KANK2: variants seen among roughly 807,000 people sequenced by gnomAD.
KANK2 encodes KN motif and ankyrin repeat domain-containing protein 2.
A neutral mutation model predicts 74.6 loss-of-function variants in KANK2; 41 were observed. The ratio of observed to expected loss-of-function variants is 0.55; its 90% CI spans 0.43 to 0.71. KANK2 has a LOEUF of 0.71. Among genes scored for constraint, KANK2 ranks in the 30% least tolerant of loss-of-function variants. The pLI is 0.00. For missense variants in KANK2, 1,148 were observed against 1,196.4 expected, an observed-to-expected ratio of 0.96 and a Z score of 0.60; for synonymous variants, 537 against 519.0, an observed-to-expected ratio of 1.03 and a Z score of -0.47.
chr19:11,194,635 G>C, intron 2 of KANK2, 45 bp from the exon 3 acceptor site: 4 of 753,862 alleles, frequency 5.3e-6, no homozygotes, highest in Non-Finnish European at 9.3e-6. Context: ...AGTCTGTAGG[G>C]GGAGGGGAGG....
intron 9 of KANK2, 38 bp downstream of exon 9, chr19:11,174,435 C>G: frequency 6.6e-7 from 1 of 1,519,998 alleles, no homozygotes; most frequent in South Asian, 1.2e-5. Context: ...GGACAGCTGG[C>G]TGGTTTAGAG....
At chr19:11,186,422 C>T (rs1275347448) in intron 4 of KANK2, among the ~76,000 whole-genome samples, 2 of 148,714 alleles carry the variant, frequency 1.3e-5, no homozygotes, top group East Asian at 2.0e-4. Context: ...AGAGGCCAGG[C>T]GCGGTGGCTC....
chr19:11,183,330 G>A (rs1422635475), intron 4 of KANK2, among the ~76,000 whole-genome samples: 1 of 152,338 alleles, frequency 6.6e-6, no homozygotes, highest in African/African-American at 2.4e-5. Flanking sequence ...GGTTTTAGGA[G>A]AAGCAGCTTA....
At chr19:11,183,127 G>T (rs1240435518) in intron 4 of KANK2, among the ~76,000 whole-genome samples, 2 of 152,168 alleles carry the variant, frequency 1.3e-5, no homozygotes, top group Non-Finnish European at 2.9e-5. Context: ...TACAAAACAA[G>T]AGCACAGATG....
Position 11,178,576 on chromosome 19 carries a change from T to A in KANK2, c.1394A>T (p.Glu465Val). ...REPTRQAASQESEEAGGTGGP... is the reference protein window; with the variant it reads ...REPTRQAASQVSEEAGGTGGP... ...ACCGGTGCCCCCGGCCTCCTCGGAC[T>A]CTTGGGAGGCTGCTTGCCTGGTGGG... The change falls in exon 5 of 13, where the codon GAG becomes GTG. Residue 465 changes from glutamate (E) to valine (V), a missense_variant. Coordinates refer to ENST00000586659, the MANE Select transcript of KANK2 (RefSeq NM_001136191.3). 2 of 1,604,408 alleles carry A rather than the reference T, an allele frequency of 1.2e-6. No individual in the cohort carries two copies. The highest frequency in any genetic ancestry group is 2.7e-5 in the African/African-American group (2 of 74,246).
Position 11,195,739 on chromosome 19 carries a change from G to A in KANK2, c.-197C>T, listed in dbSNP as rs1399918892. 6.6e-6 allele frequency: 1 copy of A among 151,944 alleles called. No individual in the cohort carries two copies. The highest frequency in any genetic ancestry group is 1.5e-5 in the Non-Finnish European group (1 of 68,130). 9.4% of individuals were successfully genotyped at this position (151,944 alleles called of 1,614,324 possible). A position where few individuals can be genotyped will look rare whatever the true frequency, so the allele number is the denominator to read the frequency against. ...TCTGTCTCTCTGCGTCTCTCTCCAC[G>A]TCTCTGTCCTTCTGCGTCTCTCTCC... On this transcript the variant is annotated 5_prime_UTR_variant, in exon 2 of 13. The change creates a new upstream start codon in the 5' untranslated region. Coordinates refer to ENST00000586659, the MANE Select transcript of KANK2 (RefSeq NM_001136191.3).
chr19:11,167,531 T>A (rs1214232590), intron 12 of KANK2, among the ~76,000 whole-genome samples: 3 of 137,912 alleles, frequency 2.2e-5, no homozygotes, highest in African/African-American at 5.7e-5. Flanking sequence ...GCCCAGCTAA[T>A]TTTTTTTTTT....
In KANK2 at chr19:11,193,624, C is replaced by T. The variant is rs377258534; in HGVS notation, c.456G>A (p.Ala152=). Residue 152 remains alanine, a synonymous_variant, in exon 4 of 13, where the codon GCG becomes GCA. Coordinates refer to ENST00000586659, the MANE Select transcript of KANK2 (RefSeq NM_001136191.3). The surrounding 1 kb of genome is among the most constrained non-coding windows in gnomAD (Gnocchi z 9.6). ...CCACCAGGGAGGCTGTCGAGCCGGC[C>T]GCACTGGGGGTCAGGGAGCCCAGGC... ...PTGLGSLTPS[A]AGSTASLVGV... The T allele has an allele frequency of 5.0e-5, 79 of 1,589,116 alleles. No homozygotes were observed. The highest frequency in any genetic ancestry group is 3.4e-4 in the South Asian group (30 of 88,868).
intron 4 of KANK2, among the ~76,000 whole-genome samples, chr19:11,188,444 A>T (rs2078739982): frequency 6.6e-6 from 1 of 150,922 alleles, no homozygotes. Context: ...ACCTCAGGTG[A>T]TCTGCCCACT....
rs958263566 is a variant in KANK2, at chr19:11,197,470, C to G, written c.-279+15G>C. 3.9e-5 allele frequency: 6 copies of G among 152,002 alleles called. No homozygotes were observed. Among genetic ancestry groups the G allele is most frequent in the African/African-American group, 1.4e-4 (6 of 41,398 alleles). 9.4% of individuals were successfully genotyped at this position (152,002 alleles called of 1,614,324 possible). A position where few individuals can be genotyped will look rare whatever the true frequency, so the allele number is the denominator to read the frequency against. On this transcript the variant is annotated intron_variant, in intron 1 of 12. Coordinates refer to ENST00000586659, the MANE Select transcript of KANK2 (RefSeq NM_001136191.3). ...ACCAGACTTGAACCCCTACCCAGCCCCGGGTCCCACTCGCCTTGCGCGCTC... is the reference window on the plus strand; with the variant it reads ...ACCAGACTTGAACCCCTACCCAGCCGCGGGTCCCACTCGCCTTGCGCGCTC...
chr19:11,186,553 CA>C (rs1186559078), intron 4 of KANK2, among the ~76,000 whole-genome samples: 1 of 151,660 alleles, frequency 6.6e-6, no homozygotes, highest in Admixed American at 6.6e-5. Context: ...CAAAATTAGT[CA>C]GGCGTGGTGG....
intron 8 of KANK2, among the ~76,000 whole-genome samples, chr19:11,175,427 CAAAAAAAAAAAAAAAAA>C (rs753933217): frequency 2.7e-4 from 4 of 14,968 alleles, no homozygotes; most frequent in Non-Finnish European, 5.7e-4. Context: ...GACTCCCTCT[CAAAAAAAAAAAAAAAAA>C]AAAAAAAAAA....
At position 11,192,788 on chromosome 19, in the gene KANK2, C is replaced by A. The variant is rs761658181; in HGVS notation, c.1249+43G>T. On this transcript the variant is annotated intron_variant, in intron 4 of 12. Transcript: ENST00000586659. ...TGAGCCATGGGAAGAAAGAGGCCCC[C>A]CCCCCCCAAGCCATTCTCCCCTGCC... 68 of 1,574,864 alleles carry A rather than the reference C, an allele frequency of 4.3e-5. No individual in the cohort carries two copies. The South Asian group carries it at 6.5e-4, about 15-fold the overall frequency.
intron 4 of KANK2, among the ~76,000 whole-genome samples, chr19:11,183,614 G>C (rs376959164): frequency 2.0e-5 from 3 of 151,816 alleles, no homozygotes; most frequent in Admixed American, 6.6e-5. Context: ...TCAGCCTCCC[G>C]AGTAGCTGGG....
chr19:11,174,683 A>T lies in KANK2; in HGVS notation c.1858T>A (p.Tyr620Asn), dbSNP rs578192834. The change falls in exon 9 of 13, where the codon TAC (tyrosine) becomes AAC (asparagine). Residue 620 changes from tyrosine (Y) to asparagine (N), a missense_variant. Tyr to Asn is a moderately radical substitution (Grantham distance 143). Coordinates refer to ENST00000586659, the MANE Select transcript of KANK2 (RefSeq NM_001136191.3). ...ALTERELKVA[Y>N]TTVLQEWLRL... Reference sequence around the variant, plus strand: ...AGCCACTCCTGCAGCACTGTGGTGTAGGCCACTTTCTGCATGCGAGTCAGG... The same window carrying T: ...AGCCACTCCTGCAGCACTGTGGTGTTGGCCACTTTCTGCATGCGAGTCAGG... 1 of 1,601,666 alleles carries T rather than the reference A, an allele frequency of 6.2e-7. No individual in the cohort carries two copies.
intron 4 of KANK2, among the ~76,000 whole-genome samples, chr19:11,184,718 T>TG (rs1336683917): frequency 5.5e-5 from 7 of 127,580 alleles, no homozygotes; most frequent in Non-Finnish European, 1.2e-4. Flanking sequence ...TTTTTTAATG[T>TG]GAAAAAAAAA....
rs146873665 is a variant in KANK2 at position 11,178,701 on chromosome 19, G to A, written c.1269C>T (p.Ala423=). Residue 423 remains alanine (A), a synonymous_variant, in exon 5 of 13, where the codon GCC becomes GCT. Transcript: ENST00000586659. ...DGAAGLPEVP[A]ESSSSPPGSE... Reference sequence around the variant, plus strand: ...ACCCCGGGGGTGACGAAGACGATTCGGCAGGAACTTCTGGGAGGCCTGGAG... The same window carrying A: ...ACCCCGGGGGTGACGAAGACGATTCAGCAGGAACTTCTGGGAGGCCTGGAG... The A allele has an allele frequency of 2.8e-4, 431 of 1,535,388 alleles. 2 individuals carry two copies. The African/African-American group carries it at 4.7e-3, about 17-fold the overall frequency.
intron 12 of KANK2, among the ~76,000 whole-genome samples, chr19:11,168,321 C>T (rs1455625519): frequency 2.7e-5 from 4 of 149,258 alleles, no homozygotes; most frequent in Non-Finnish European, 5.9e-5. Context: ...TTTTTTTTTT[C>T]CCAGACAAGG....
At chr19:11,181,857 AT>A (rs1248260076) in intron 4 of KANK2, among the ~76,000 whole-genome samples, 3 of 152,066 alleles carry the variant, frequency 2.0e-5, no homozygotes, top group Non-Finnish European at 2.9e-5. Context: ...AAACAAAAAA[AT>A]GATGCAAATG....
Sources: allele counts gnomAD v4.1 joint callset (sites outside exome capture counted in the v4.1 genomes callset), GRCh38; gene constraint gnomAD v4.1.1; non-coding constraint Gnocchi (gnomAD v3.1); transcripts MANE v1.5; gene names NCBI Gene and HGNC (gene_info 2026-07-23, HGNC 2026-07-21).